Variants in LPAR1 observed in about 807,000 individuals in gnomAD.
LPAR1 encodes the protein LPA receptor 1.
In LPAR1, 5 loss-of-function variants were observed where a neutral mutation model predicts 23.8. That is an observed-to-expected ratio of 0.21 (90% CI 0.11 to 0.44). LPAR1 has a LOEUF of 0.44. LPAR1 is among the 20% of genes least tolerant of loss of function. LPAR1 has a pLI of 0.99. For synonymous variants in LPAR1, 160 were observed against 164.7 expected, an observed-to-expected ratio of 0.97 and a Z score of 0.22; for missense variants, 311 against 482.8, an observed-to-expected ratio of 0.64 and a Z score of 3.33.
intron 5 of LPAR1, among the ~76,000 whole-genome samples, chr9:110,911,021 T>A (rs2092361832): frequency 6.6e-6 from 1 of 152,130 alleles, no homozygotes; most frequent in Non-Finnish European, 1.5e-5. Context: ...AGCATTAGGG[T>A]TTGAGAGGAT....
chr9:110,895,635 G>A (rs1014832145), intron 5 of LPAR1, among the ~76,000 whole-genome samples: 1 of 152,048 alleles, frequency 6.6e-6, no homozygotes, highest in African/African-American at 2.4e-5. Flanking sequence ...AGTTCAGGAG[G>A]GTCTGTTGGA....
intron 5 of LPAR1, among the ~76,000 whole-genome samples, chr9:110,876,682 C>T (rs536138769): frequency 8.1e-4 from 124 of 152,288 alleles, no homozygotes; most frequent in African/African-American, 2.7e-3. Flanking sequence ...ATATTTTAAA[C>T]CAAATTTACT....
chr9:111,036,433 A>G (rs78462662), intron 1 of LPAR1, among the ~76,000 whole-genome samples: 2,820 of 151,406 alleles, frequency 0.019, 85 homozygotes, highest in African/African-American at 0.065. Flanking sequence ...TTCTCCTCCA[A>G]GCATCCTCTG....
chr9:110,945,438 A>C (rs2095336963), intron 4 of LPAR1: 1 of 152,214 alleles, frequency 6.6e-6, no homozygotes, highest in Admixed American at 6.5e-5. Flanking sequence ...AAAAGAAGAG[A>C]TAGAAAGAGA....
chr9:111,016,713 T>C (rs1296558163), intron 2 of LPAR1, among the ~76,000 whole-genome samples: 3 of 152,236 alleles, frequency 2.0e-5, no homozygotes, highest in African/African-American at 7.2e-5. Context: ...TCCTTTTGCA[T>C]GAAGTAATAT....
chr9:110,987,724 C>A lies in LPAR1; in HGVS notation c.-181-14166G>T, dbSNP rs1416944650. On this transcript the variant is annotated intron_variant, in intron 2 of 5. Transcript: ENST00000683809. Reference sequence around the variant, plus strand: ...CCTCCATACCTGTGGGGTTCGCATACCATGAATACTATATTTCTGATCTGC... The same window carrying A: ...CCTCCATACCTGTGGGGTTCGCATAACATGAATACTATATTTCTGATCTGC... Among the ~76,000 whole-genome samples the A allele has an allele frequency of 4.0e-5, 6 of 151,326 alleles. No homozygotes were observed. In the East Asian group the frequency reaches 1.2e-3, roughly 29 times the overall value.
chr9:110,900,169 G>A (rs189280498), intron 5 of LPAR1, among the ~76,000 whole-genome samples: 31 of 152,192 alleles, frequency 2.0e-4, no homozygotes, highest in Non-Finnish European at 3.1e-4. Context: ...GTCCTTGCTA[G>A]GCAAAAATCA....
intron 2 of LPAR1, among the ~76,000 whole-genome samples, chr9:111,019,600 G>A (rs1261700178): frequency 1.3e-5 from 2 of 152,060 alleles, no homozygotes; most frequent in African/African-American, 4.8e-5. Context: ...TTCCTTGGGA[G>A]GCCGAGGCGG....
Position 110,875,624 on chromosome 9 carries a change from G to A in LPAR1, c.892C>T (p.Leu298Phe). 1.2e-6 allele frequency: 2 copies of A among 1,614,030 alleles called. No homozygotes were observed. Among genetic ancestry groups the A allele is most frequent in the Non-Finnish European group, 1.7e-6 (2 of 1,179,914 alleles). ...ATGGCAGAGTTGAATTCAGCAAGGAGAAGGAAGAATTTCTCATAGGCCAGC... is the reference window on the plus strand; with the variant it reads ...ATGGCAGAGTTGAATTCAGCAAGGAAAAGGAAGAATTTCTCATAGGCCAGC... ...DVLAYEKFFL[L>F]LAEFNSAMNP... Residue 298 changes from leucine (L) to phenylalanine (F), a missense_variant, in exon 6 of 6, where the codon CTC becomes TTC. Leu to Phe is a conservative substitution (Grantham distance 22). Around this residue, in one of 2 missense-constraint regions of LPAR1, gnomAD observed 250 missense variants for 427.2 expected, o/e 0.59. Coordinates refer to ENST00000683809, the MANE Select transcript of LPAR1 (RefSeq NM_001351411.2).
intron 4 of LPAR1, among the ~76,000 whole-genome samples, chr9:110,953,248 G>C (rs1259702316): frequency 1.3e-5 from 2 of 152,156 alleles, no homozygotes; most frequent in Non-Finnish European, 2.9e-5. Context: ...ACCAAGAACA[G>C]GCATGCTCAG....
At chr9:110,932,112 A>G (rs1230349438) in intron 5 of LPAR1, among the ~76,000 whole-genome samples, 1 of 152,196 alleles carries the variant, frequency 6.6e-6, no homozygotes, top group Non-Finnish European at 1.5e-5. Context: ...GAGATCCACT[A>G]TCAAATCGCA....
chr9:110,883,101 A>G (rs1419892800), intron 5 of LPAR1, among the ~76,000 whole-genome samples: 1 of 152,140 alleles, frequency 6.6e-6, no homozygotes, highest in Non-Finnish European at 1.5e-5. Flanking sequence ...GTGCAGTGGC[A>G]TGATCTTGGC....
intron 5 of LPAR1, among the ~76,000 whole-genome samples, chr9:110,932,469 A>G (rs947955373): frequency 1.3e-5 from 2 of 152,248 alleles, no homozygotes; most frequent in African/African-American, 2.4e-5. Context: ...GAACCCAGCC[A>G]TTCGTCATTT....
At chr9:110,949,983 C>T (rs1359805587) in intron 4 of LPAR1, among the ~76,000 whole-genome samples, 1 of 152,072 alleles carries the variant, frequency 6.6e-6, no homozygotes, top group Non-Finnish European at 1.5e-5. Context: ...ATGTGCTTGG[C>T]AATTTTTAAT....
At chr9:110,886,288 C>T (rs1229503722) in intron 5 of LPAR1, among the ~76,000 whole-genome samples, 5 of 147,230 alleles carry the variant, frequency 3.4e-5, no homozygotes, top group South Asian at 2.2e-4. Context: ...CACTTGAACC[C>T]GGGAGACAGA....
chr9:110,932,172 T>C, intron 5 of LPAR1, among the ~76,000 whole-genome samples: 1 of 152,272 alleles, frequency 6.6e-6, no homozygotes, highest in East Asian at 1.9e-4. Flanking sequence ...AGGCAACCTG[T>C]AAAACTCCCA....
At chr9:111,007,244 T>C (rs930163155) in intron 2 of LPAR1, among the ~76,000 whole-genome samples, 1 of 152,120 alleles carries the variant, frequency 6.6e-6, no homozygotes, top group African/African-American at 2.4e-5. Flanking sequence ...TCTTTATAAA[T>C]TACCCAGTCT....
chr9:110,970,876 T>C (rs7857930), intron 4 of LPAR1, among the ~76,000 whole-genome samples: 105,754 of 152,130 alleles, frequency 0.7, 37,063 homozygotes, highest in Admixed American at 0.74. Flanking sequence ...TGGCTCAGGC[T>C]TGTAATCCCA....
chr9:110,939,642 T>G (rs2094955006), intron 5 of LPAR1, among the ~76,000 whole-genome samples: 1 of 152,108 alleles, frequency 6.6e-6, no homozygotes, highest in East Asian at 1.9e-4. Context: ...TATTTCAACC[T>G]GAAAAACAAC....
Sources: allele counts gnomAD v4.1 joint callset (sites outside exome capture counted in the v4.1 genomes callset), GRCh38; gene constraint gnomAD v4.1.1; regional missense constraint gnomAD v4.1.1; transcripts MANE v1.5; gene names NCBI Gene and HGNC (gene_info 2026-07-23, HGNC 2026-07-21).